The following SMYD3 variants were observed in gnomAD, a reference collection of about 807,000 sequenced individuals.
SMYD3 encodes histone-lysine N-methyltransferase SMYD3.
A neutral mutation model predicts 57.7 loss-of-function variants in SMYD3; 36 were observed. That is an observed-to-expected ratio of 0.62 (90% confidence interval 0.48 to 0.82). SMYD3 has a LOEUF of 0.82. Ranked by LOEUF, SMYD3 falls within the 40% of genes least tolerant of loss-of-function variation. SMYD3 has a pLI of 0.00. For missense variants in SMYD3, 515 were observed against 538.8 expected, an observed-to-expected ratio of 0.96 and a Z score of 0.44; for synonymous variants, 211 against 195.0, an observed-to-expected ratio of 1.08 and a Z score of -0.68.
intron 1 of SMYD3, among the ~76,000 whole-genome samples, chr1:246,442,936 A>G (rs1015206032): frequency 3.9e-5 from 6 of 152,204 alleles, no homozygotes; most frequent in African/African-American, 9.7e-5. Context: ...TCTCCCTTCC[A>G]GAATTCTTGC....
intron 8 of SMYD3, among the ~76,000 whole-genome samples, chr1:245,865,131 T>G (rs566674277): frequency 6.6e-6 from 1 of 152,348 alleles, no homozygotes; most frequent in Non-Finnish European, 1.5e-5. Flanking sequence ...AAGGCTTTAC[T>G]GATATTTACT....
intron 10 of SMYD3, among the ~76,000 whole-genome samples, chr1:245,776,092 G>A (rs908215211): frequency 4.6e-5 from 7 of 152,324 alleles, no homozygotes; most frequent in African/African-American, 1.7e-4. Context: ...CTACATCCAC[G>A]AAGACCGTAA....
At chr1:246,346,900 A>G (rs1188233564) in intron 2 of SMYD3, among the ~76,000 whole-genome samples, 2 of 152,212 alleles carry the variant, frequency 1.3e-5, no homozygotes, top group African/African-American at 4.8e-5. Flanking sequence ...TTAAAAAACT[A>G]TAATTAATAT....
At chr1:246,423,534 C>A (rs981404191) in intron 1 of SMYD3, among the ~76,000 whole-genome samples, 2 of 151,866 alleles carry the variant, frequency 1.3e-5, no homozygotes, top group Admixed American at 1.3e-4. Context: ...GACCCTACCT[C>A]TAAAAAAATG....
chr1:245,986,941 C>T (rs1026754681), intron 5 of SMYD3, among the ~76,000 whole-genome samples: 1 of 152,154 alleles, frequency 6.6e-6, no homozygotes, highest in South Asian at 2.1e-4. Flanking sequence ...AACATATTTG[C>T]ATTTTATGTA....
At chr1:245,788,573 T>C (rs2047143308) in intron 10 of SMYD3, among the ~76,000 whole-genome samples, 1 of 152,154 alleles carries the variant, frequency 6.6e-6, no homozygotes, top group African/African-American at 2.4e-5. Flanking sequence ...GATGATGAAA[T>C]AGCCTAGAAA....
chr1:246,373,316 G>A (rs1160156702), intron 1 of SMYD3, among the ~76,000 whole-genome samples: 2 of 152,214 alleles, frequency 1.3e-5, no homozygotes, highest in South Asian at 2.1e-4. Context: ...CTAACGCAGG[G>A]CATAGAGAGA....
intron 5 of SMYD3, among the ~76,000 whole-genome samples, chr1:246,136,059 T>C (rs1472804436): frequency 1.3e-5 from 2 of 152,212 alleles, no homozygotes; most frequent in Non-Finnish European, 2.9e-5. Flanking sequence ...AGAGAGTTAT[T>C]GGTACTGTTT....
chr1:245,920,494 C>T (rs1288922774), intron 7 of SMYD3, among the ~76,000 whole-genome samples: 1 of 152,080 alleles, frequency 6.6e-6, no homozygotes. Flanking sequence ...TCTCTTGTTT[C>T]ACAAGTTGTG....
At chr1:246,034,317 C>T (rs1160375798) in intron 5 of SMYD3, among the ~76,000 whole-genome samples, 1 of 152,148 alleles carries the variant, frequency 6.6e-6, no homozygotes, top group Non-Finnish European at 1.5e-5. Context: ...TAACATTCAT[C>T]CACATTCCTA....
chr1:246,386,743 T>C (rs1224147292), intron 1 of SMYD3, among the ~76,000 whole-genome samples: 1 of 152,102 alleles, frequency 6.6e-6, no homozygotes, highest in Non-Finnish European at 1.5e-5. Flanking sequence ...TCTTGGTCTC[T>C]ATAGACAATA....
At chr1:246,158,897 A>G (rs1437669850) in intron 5 of SMYD3, among the ~76,000 whole-genome samples, 1 of 152,202 alleles carries the variant, frequency 6.6e-6, no homozygotes, top group Non-Finnish European at 1.5e-5. Flanking sequence ...AACAAGATAC[A>G]CCAGGTCCTT....
chr1:245,967,829 C>T (rs1466191886), intron 5 of SMYD3, among the ~76,000 whole-genome samples: 1 of 152,192 alleles, frequency 6.6e-6, no homozygotes, highest in Non-Finnish European at 1.5e-5. Context: ...TAGCAGAAAG[C>T]AGCTTTCAGT....
rs569211708 is a variant in SMYD3 at position 246,441,554 on chromosome 1, C to T, written c.164+65500G>A. The stretch of plus-strand genomic sequence containing the variant: ...CAGTGGCTCAACAAAGGCACTGAAA[C>T]AAGGACAAAAAATGCCTCACTGACA... On this transcript the variant is annotated intron_variant, in intron 1 of 11. Coordinates refer to ENST00000490107, the MANE Select transcript of SMYD3 (RefSeq NM_001167740.2). Among the ~76,000 whole-genome samples, 5 of 152,220 alleles carry T rather than the reference C, an allele frequency of 3.3e-5. No individual in the cohort carries two copies. The South Asian group carries it at 8.3e-4, about 25-fold the overall frequency.
intron 5 of SMYD3, among the ~76,000 whole-genome samples, chr1:246,069,154 C>T (rs1038177856): frequency 1.3e-5 from 2 of 152,180 alleles, no homozygotes; most frequent in Non-Finnish European, 1.5e-5. Context: ...AGCCTGTCTG[C>T]TTCTGGACTC....
chr1:245,938,460 A>T (rs888368033), intron 5 of SMYD3, among the ~76,000 whole-genome samples: 4 of 152,242 alleles, frequency 2.6e-5, no homozygotes, highest in Non-Finnish European at 4.4e-5. Flanking sequence ...AACTTTAATT[A>T]TGCAGTCAAG....
At chr1:246,305,545 A>G (rs1033401301) in intron 5 of SMYD3, among the ~76,000 whole-genome samples, 1 of 152,216 alleles carries the variant, frequency 6.6e-6, no homozygotes, top group African/African-American at 2.4e-5. Flanking sequence ...AATATTAAAG[A>G]GGGATAACGT....
At chr1:245,853,852 C>A (rs2051102714) in intron 10 of SMYD3, among the ~76,000 whole-genome samples, 1 of 152,186 alleles carries the variant, frequency 6.6e-6, no homozygotes, top group Admixed American at 6.5e-5. Context: ...CATTATACTT[C>A]CACTCTCTCC....
In SMYD3 at chr1:246,090,812, CG is replaced by C. The variant is rs557907628; in HGVS notation, c.532-160876del. On this transcript the variant is annotated intron_variant, in intron 5 of 11. Transcript: ENST00000490107. ...GATTACAGGCATGAGCTACCACACCCGGCTCTTTCTCTTTTCTTTTGCCTCT... is the reference window on the plus strand; with the variant it reads ...GATTACAGGCATGAGCTACCACACCCGCTCTTTCTCTTTTCTTTTGCCTCT... Among the ~76,000 whole-genome samples, 274 of 152,228 alleles carry C rather than the reference CG, an allele frequency of 1.8e-3. 1 individual carries two copies. Among genetic ancestry groups the C allele is most frequent in the African/African-American group, 6.3e-3 (261 of 41,558 alleles).
Sources: allele counts gnomAD v4.1 joint callset (sites outside exome capture counted in the v4.1 genomes callset), GRCh38; gene constraint gnomAD v4.1.1; transcripts MANE v1.5; gene names NCBI Gene and HGNC (gene_info 2026-07-23, HGNC 2026-07-21).